FRMD5: variants seen among roughly 807,000 people sequenced by gnomAD.
FRMD5 encodes the protein FERM domain-containing protein 5.
In FRMD5, 20 loss-of-function variants were observed where a neutral mutation model predicts 69.0. The ratio of observed to expected loss-of-function variants is 0.29; its 90% CI spans 0.20 to 0.42. FRMD5 has a LOEUF of 0.42. Ranked by LOEUF, FRMD5 falls within the 10% of genes least tolerant of loss-of-function variation. The probability of loss-of-function intolerance (pLI) is 1.00; values close to 1 mark genes in which losing one functional copy is unlikely to be tolerated. For missense variants in FRMD5, 595 were observed against 708.6 expected (o/e 0.84, Z 1.82); for synonymous variants, 271 against 260.1 (o/e 1.04, Z -0.40).
chr15:43,909,305 C>A (rs577702857), intron 5 of FRMD5, among the ~76,000 whole-genome samples: 2 of 151,730 alleles, frequency 1.3e-5, no homozygotes, highest in African/African-American at 4.8e-5. Context: ...GAGGCTGAGA[C>A]AGAAGAATAG....
At chr15:43,948,396 GA>G (rs1201275685) in intron 1 of FRMD5, among the ~76,000 whole-genome samples, 2 of 152,170 alleles carry the variant, frequency 1.3e-5, no homozygotes, top group Middle Eastern at 3.4e-3. Context: ...CATGGGGGAA[GA>G]AAAAAACCTA....
At chr15:44,015,317 G>GT (rs1202127602) in intron 1 of FRMD5, among the ~76,000 whole-genome samples, 10 of 151,948 alleles carry the variant, frequency 6.6e-5, no homozygotes, top group Admixed American at 6.6e-4. Flanking sequence ...TTACCTTTTG[G>GT]TTTTTACAGA....
At chr15:44,138,041 T>C (rs1395418348) in intron 1 of FRMD5, among the ~76,000 whole-genome samples, 1 of 152,158 alleles carries the variant, frequency 6.6e-6, no homozygotes, top group Admixed American at 6.5e-5. Context: ...CTGAGTTACC[T>C]ACAGGAACCA....
chr15:43,998,893 G>A (rs144150816), intron 1 of FRMD5, among the ~76,000 whole-genome samples: 4 of 152,260 alleles, frequency 2.6e-5, no homozygotes, highest in Non-Finnish European at 4.4e-5. Flanking sequence ...GCAAAATGAC[G>A]TCACTTTCTA....
chr15:44,185,567 G>A lies in FRMD5; in HGVS notation c.102+9386C>T, dbSNP rs555806879. Among the ~76,000 whole-genome samples the A allele has an allele frequency of 2.6e-5, 4 of 152,120 alleles. No individual in the cohort carries two copies. The South Asian group carries it at 8.3e-4, about 32-fold the overall frequency. ...AGCACTTTGGGAGGCTGAGGCGGGT[G>A]GATTGCTTAAGGTCAGGAGTTTAGA... On this transcript the variant is annotated intron_variant, in intron 1 of 13. Transcript: ENST00000417257.
At chr15:43,972,543 A>G (rs997309399) in intron 1 of FRMD5, among the ~76,000 whole-genome samples, 4 of 152,030 alleles carry the variant, frequency 2.6e-5, no homozygotes, top group Non-Finnish European at 5.9e-5. Context: ...ATAAAAAGGT[A>G]CCTCTTCCTC....
intron 1 of FRMD5, among the ~76,000 whole-genome samples, chr15:44,029,219 G>A (rs1220461667): frequency 6.6e-6 from 1 of 151,912 alleles, no homozygotes; most frequent in Admixed American, 6.6e-5. Flanking sequence ...CCTAAAACAA[G>A]TTTGTAACCT....
At chr15:44,186,225 C>A (rs1401538727) in intron 1 of FRMD5, among the ~76,000 whole-genome samples, 1 of 152,190 alleles carries the variant, frequency 6.6e-6, no homozygotes, top group African/African-American at 2.4e-5. Context: ...CCGCACCCGG[C>A]CTTTCTTGTG....
At chr15:44,091,831 G>C (rs965572277) in intron 1 of FRMD5, among the ~76,000 whole-genome samples, 1 of 151,372 alleles carries the variant, frequency 6.6e-6, no homozygotes, top group Non-Finnish European at 1.5e-5. Context: ...CTCTAGAATT[G>C]TGTGCTGCCT....
intron 1 of FRMD5, among the ~76,000 whole-genome samples, chr15:43,964,900 T>A (rs1377294138): frequency 6.6e-6 from 1 of 152,132 alleles, no homozygotes; most frequent in Non-Finnish European, 1.5e-5. Context: ...GTTGGCAAAC[T>A]TACCATGACT....
chr15:43,941,410 T>C (rs1164358548), intron 1 of FRMD5, among the ~76,000 whole-genome samples: 1 of 152,222 alleles, frequency 6.6e-6, no homozygotes, highest in Non-Finnish European at 1.5e-5. Flanking sequence ...TGTGCCACCA[T>C]GCCTGGCTAC....
intron 1 of FRMD5, among the ~76,000 whole-genome samples, chr15:43,984,320 C>T (rs1889279597): frequency 6.6e-6 from 1 of 152,152 alleles, no homozygotes; most frequent in Admixed American, 6.5e-5. Flanking sequence ...AACCCGCATC[C>T]CCATCTTCTC....
At chr15:43,926,465 ATGGG>A (rs1324977503) in intron 1 of FRMD5, among the ~76,000 whole-genome samples, 1 of 152,218 alleles carries the variant, frequency 6.6e-6, no homozygotes, top group Non-Finnish European at 1.5e-5. Flanking sequence ...GCCCAAGGCC[ATGGG>A]TAATTACAGA....
chr15:44,093,448 T>A (rs1595713192), intron 1 of FRMD5, among the ~76,000 whole-genome samples: 1 of 152,116 alleles, frequency 6.6e-6, no homozygotes, highest in Non-Finnish European at 1.5e-5. Flanking sequence ...AGTTATTTAA[T>A]CTGAAACTTG....
intron 1 of FRMD5, among the ~76,000 whole-genome samples, chr15:44,105,086 C>T (rs940664733): frequency 1.8e-4 from 24 of 136,906 alleles, no homozygotes; most frequent in Middle Eastern, 3.8e-3. Context: ...AAATTCTTTT[C>T]TTTTTTTTTT....
chr15:44,161,628 T>C (rs2077617525), intron 1 of FRMD5, among the ~76,000 whole-genome samples: 1 of 152,238 alleles, frequency 6.6e-6, no homozygotes, highest in Non-Finnish European at 1.5e-5. Flanking sequence ...ATGATTTGTA[T>C]AAATTACTAC....
chr15:44,033,943 C>T (rs545021333), intron 1 of FRMD5, among the ~76,000 whole-genome samples: 3 of 152,282 alleles, frequency 2.0e-5, no homozygotes, highest in Non-Finnish European at 4.4e-5. Context: ...TTAGGATTCG[C>T]TCTTATTTAT....
chr15:44,010,546 G>C (rs910613045), intron 1 of FRMD5, among the ~76,000 whole-genome samples: 3 of 151,718 alleles, frequency 2.0e-5, no homozygotes, highest in Non-Finnish European at 4.4e-5. Context: ...ATTAATAACT[G>C]GCTAATTTTT....
chr15:44,091,441 T>G (rs980892181), intron 1 of FRMD5, among the ~76,000 whole-genome samples: 15 of 152,170 alleles, frequency 9.9e-5, no homozygotes, highest in African/African-American at 3.6e-4. Context: ...AAACATAACT[T>G]ATAAGTCTCC....
Sources: allele counts gnomAD v4.1 joint callset (sites outside exome capture counted in the v4.1 genomes callset), GRCh38; gene constraint gnomAD v4.1.1; transcripts MANE v1.5; gene names NCBI Gene and HGNC (gene_info 2026-07-23, HGNC 2026-07-21).